Variants in FRMD3 observed in about 807,000 individuals in gnomAD.
The protein encoded by FRMD3 is FERM domain containing 3.
FRMD3 carries 33 observed loss-of-function variants against 70.2 expected under a neutral mutation model. That is an observed-to-expected ratio of 0.47 (90% CI 0.36 to 0.63). The LOEUF is 0.63. Among genes scored for constraint, FRMD3 ranks in the 20% least tolerant of loss-of-function variants. The probability of loss-of-function intolerance (pLI) is 0.00; values close to 1 mark genes in which losing one functional copy is unlikely to be tolerated. For missense variants in FRMD3, 632 were observed against 711.4 expected (o/e 0.89, Z 1.27); for synonymous variants, 279 against 255.9 (o/e 1.09, Z -0.86).
chr9:83,397,132 T>C (rs1307486087), intron 1 of FRMD3, among the ~76,000 whole-genome samples: 1 of 152,162 alleles, frequency 6.6e-6, no homozygotes, highest in Non-Finnish European at 1.5e-5. Flanking sequence ...AGACTGCACA[T>C]AAAATCTGGA....
the FRMD3 span, among the ~76,000 whole-genome samples, chr9:83,553,118 T>C: frequency 6.6e-6 from 1 of 152,214 alleles, no homozygotes; most frequent in African/African-American, 2.4e-5. Context: ...CAGCAGTTTT[T>C]CCTTTCTATA....
chr9:83,268,018 C>G (rs771132664), intron 13 of FRMD3, among the ~76,000 whole-genome samples: 1 of 152,164 alleles, frequency 6.6e-6, no homozygotes, highest in Non-Finnish European at 1.5e-5. Context: ...ACCACAATCA[C>G]GAAGTTAGTA....
intron 3 of FRMD3, among the ~76,000 whole-genome samples, chr9:83,353,873 T>C (rs1587761340): frequency 1.3e-5 from 2 of 152,334 alleles, no homozygotes; most frequent in East Asian, 3.9e-4. Flanking sequence ...CAGTTTTAGA[T>C]GTTGTACATT....
intron 1 of FRMD3, among the ~76,000 whole-genome samples, chr9:83,512,832 T>C (rs955943739): frequency 6.6e-6 from 1 of 152,204 alleles, no homozygotes; most frequent in African/African-American, 2.4e-5. Context: ...AGTGGAATTT[T>C]AAACAGGGCC....
intron 6 of FRMD3, among the ~76,000 whole-genome samples, chr9:83,334,839 G>A (rs1208449571): frequency 6.6e-6 from 1 of 152,170 alleles, no homozygotes; most frequent in Non-Finnish European, 1.5e-5. Flanking sequence ...TACTAGCTGC[G>A]TGACCTTGGG....
rs1029583281 is a variant in FRMD3 at position 83,483,623 on chromosome 9, C to A, written c.147+54462G>T. Among the ~76,000 whole-genome samples the A allele has an allele frequency of 6.6e-5, 10 of 152,166 alleles. 2 individuals are homozygous for A. The South Asian group carries it at 1.7e-3, about 25-fold the overall frequency. ...GAGAGGATATGGCACTTTGAGAGAC[C>A]AAGATGGGAGTTATCGCTTGAGACC... On this transcript the variant is annotated intron_variant, in intron 1 of 13. Transcript: ENST00000304195.
chr9:83,416,776 T>TCTCTCTCA (rs1564067093), intron 1 of FRMD3, among the ~76,000 whole-genome samples: 1 of 135,726 alleles, frequency 7.4e-6, no homozygotes, highest in Non-Finnish European at 1.5e-5. Context: ...TCTCTCTCTC[T>TCTCTCTCA]CTCTCTCTCT....
intron 1 of FRMD3, among the ~76,000 whole-genome samples, chr9:83,494,037 T>C (rs572623203): frequency 9.2e-5 from 14 of 152,296 alleles, no homozygotes; most frequent in African/African-American, 2.4e-4. Flanking sequence ...ATTTCCACTA[T>C]GGAGGCTGGA....
the FRMD3 span, among the ~76,000 whole-genome samples, chr9:83,563,182 A>T: frequency 3.3e-5 from 5 of 152,076 alleles, no homozygotes; most frequent in Non-Finnish European, 7.4e-5. Flanking sequence ...GGGCTTCCCA[A>T]GTTGTTTTCT....
rs1455946069 is a variant in FRMD3, at chr9:83,272,872, CCG to C, written c.1195+17729_1195+17730del. 1.6e-3 allele frequency among the ~76,000 whole-genome samples: 237 copies of C among 149,598 alleles called. 1 individual carries two copies. Among genetic ancestry groups the C allele is most frequent in the African/African-American group, 2.4e-3 (96 of 40,478 alleles). On this transcript the variant is annotated intron_variant, in intron 13 of 13. Coordinates refer to ENST00000304195, the MANE Select transcript of FRMD3 (RefSeq NM_174938.6). ...TGAGGAGCGTCTCTGCCCGGCCACC[CCG>C]TCCGAGAAGTGAGGAGCCCCTCCGC...
rs117247687 is a variant in FRMD3, at chr9:83,383,334, C to T, written c.252+6270G>A. Among the ~76,000 whole-genome samples, 330 of 152,292 alleles carry T rather than the reference C, an allele frequency of 2.2e-3. 1 individual carries two copies. The highest frequency in any genetic ancestry group is 6.8e-3 in the Middle Eastern group (2 of 294). ...TTTGAGGCACAAACTTTTGGGAAGG[C>T]TCATTAAACAGCAATAGATAATGAG... On this transcript the variant is annotated intron_variant, in intron 2 of 13. Coordinates refer to ENST00000304195, the MANE Select transcript of FRMD3 (RefSeq NM_174938.6).
Position 83,343,273 on chromosome 9 carries a change from A to G in FRMD3, c.389T>C (p.Leu130Pro), listed in dbSNP as rs776941033. 2.5e-6 allele frequency: 4 copies of G among 1,609,198 alleles called. No individual in the cohort carries two copies. Among genetic ancestry groups the G allele is most frequent in the Non-Finnish European group, 1.7e-6 (2 of 1,175,586 alleles). Reference protein sequence around the residue: ...KEELTRYLLYLQIKRDIFHGR... With the variant: ...KEELTRYLLYPQIKRDIFHGR... ...ATGAAAAATGTCCCTTTTAATCTGA[A>G]GGTATAAAAGGTATCTGCAATACAA... is the stretch of plus-strand genomic sequence containing the variant. The change falls in exon 5 of 14, where the codon CTT becomes CCT. Residue 130 changes from leucine to proline, a missense_variant. By Grantham distance (98) the Leu-to-Pro change is moderately conservative. Coordinates refer to ENST00000304195, the MANE Select transcript of FRMD3 (RefSeq NM_174938.6).
chr9:83,310,818 G>A (rs1045737998), intron 8 of FRMD3, among the ~76,000 whole-genome samples: 3 of 152,114 alleles, frequency 2.0e-5, no homozygotes, highest in African/African-American at 7.2e-5. Flanking sequence ...TCTAGTGTTC[G>A]TGAACATTAA....
chr9:83,417,947 C>T (rs752580045), intron 1 of FRMD3, among the ~76,000 whole-genome samples: 1 of 152,140 alleles, frequency 6.6e-6, no homozygotes, highest in Non-Finnish European at 1.5e-5. Context: ...GTGACCACTG[C>T]TTCCTAGAGA....
chr9:83,570,148 T>C, the FRMD3 span, among the ~76,000 whole-genome samples: 1 of 152,218 alleles, frequency 6.6e-6, no homozygotes, highest in African/African-American at 2.4e-5. Context: ...ACTAAGTATC[T>C]ACTGTATGTC....
intron 7 of FRMD3, 103 bp downstream of exon 7, chr9:83,313,557 C>A: frequency 1.1e-6 from 1 of 901,096 alleles, no homozygotes. Context: ...GTGGGCCAAG[C>A]TGTGGGAAAG....
At chr9:83,258,833 G>A (rs933842937) in intron 13 of FRMD3, among the ~76,000 whole-genome samples, 6 of 152,130 alleles carry the variant, frequency 3.9e-5, no homozygotes, top group Admixed American at 2.0e-4. Context: ...TCTCTCCCCC[G>A]TGAGCATGAA....
intron 1 of FRMD3, among the ~76,000 whole-genome samples, chr9:83,416,010 G>C (rs1039799880): frequency 1.3e-5 from 2 of 152,094 alleles, no homozygotes; most frequent in African/African-American, 4.8e-5. Flanking sequence ...TGGGCACTTG[G>C]GAAAGGTTAT....
chr9:83,480,896 G>A (rs144194956), intron 1 of FRMD3, among the ~76,000 whole-genome samples: 263 of 152,272 alleles, frequency 1.7e-3, no homozygotes, highest in Non-Finnish European at 2.9e-3. Flanking sequence ...GTCCTGAAAC[G>A]AATCTGCCAC....
Sources: gnomAD v4.1 joint callset for allele counts (sites outside exome capture counted in the v4.1 genomes callset) on GRCh38, gnomAD v4.1.1 for gene constraint, MANE v1.5 for transcripts, NCBI Gene and HGNC (gene_info 2026-07-23, HGNC 2026-07-21) for gene names.